ARHGAP15: variants seen among roughly 807,000 people sequenced by gnomAD.
ARHGAP15 encodes the protein rho GTPase-activating protein 15.
Under a neutral mutation model 63.7 loss-of-function variants are expected in ARHGAP15, and 51 were observed. The ratio of observed to expected loss-of-function variants is 0.80; its 90% confidence interval spans 0.64 to 1.01. ARHGAP15 has a LOEUF of 1.01. ARHGAP15 is among the 50% of genes least tolerant of loss of function. The pLI is 0.00. For missense variants in ARHGAP15, 560 were observed against 564.6 expected (o/e 0.99, Z 0.08); for synonymous variants, 191 against 193.8 (o/e 0.99, Z 0.12).
At chr2:143,468,975 T>C (rs1691384472) in intron 8 of ARHGAP15, among the ~76,000 whole-genome samples, 1 of 152,206 alleles carries the variant, frequency 6.6e-6, no homozygotes, top group Non-Finnish European at 1.5e-5. Flanking sequence ...AGACAATGCC[T>C]ATCCAGCCTT....
At chr2:143,402,773 C>T (rs1399171142) in intron 6 of ARHGAP15, among the ~76,000 whole-genome samples, 1 of 151,844 alleles carries the variant, frequency 6.6e-6, no homozygotes, top group African/African-American at 2.4e-5. Flanking sequence ...ACCCCAGAAA[C>T]ACTGCACAGA....
intron 12 of ARHGAP15, among the ~76,000 whole-genome samples, chr2:143,673,296 G>A (rs1334064897): frequency 6.6e-6 from 1 of 151,988 alleles, no homozygotes; most frequent in African/African-American, 2.4e-5. Context: ...ACGTTTATGG[G>A]CATAACACAA....
chr2:143,445,967 A>C (rs1158421563), intron 8 of ARHGAP15, among the ~76,000 whole-genome samples: 1 of 152,084 alleles, frequency 6.6e-6, no homozygotes, highest in South Asian at 2.1e-4. Context: ...TTAACACAAA[A>C]GTTATCAAAG....
chr2:143,520,163 A>T (rs910616653), intron 10 of ARHGAP15, among the ~76,000 whole-genome samples: 4 of 152,308 alleles, frequency 2.6e-5, no homozygotes. Context: ...CATGTAAAAG[A>T]TAGAGGTGTT....
intron 12 of ARHGAP15, among the ~76,000 whole-genome samples, chr2:143,662,083 C>G (rs1681833813): frequency 6.6e-6 from 1 of 152,260 alleles, no homozygotes; most frequent in Non-Finnish European, 1.5e-5. Flanking sequence ...TCAAGAAGGC[C>G]TGCCTGCCTC....
intron 6 of ARHGAP15, among the ~76,000 whole-genome samples, chr2:143,323,970 A>G (rs773093333): frequency 1.3e-5 from 2 of 151,120 alleles, no homozygotes; most frequent in African/African-American, 4.9e-5. Context: ...AATTTCAAAC[A>G]TTAGGATTTC....
intron 13 of ARHGAP15, among the ~76,000 whole-genome samples, chr2:143,765,006 T>G (rs1574939681): frequency 6.6e-6 from 1 of 152,094 alleles, no homozygotes; most frequent in East Asian, 1.9e-4. Context: ...TCTTATCAAT[T>G]TAGGCATTTG....
At chr2:143,200,096 AT>A (rs1268667322) in intron 2 of ARHGAP15, among the ~76,000 whole-genome samples, 1 of 152,112 alleles carries the variant, frequency 6.6e-6, no homozygotes, top group Non-Finnish European at 1.5e-5. Context: ...CAATAATTGA[AT>A]CCTGCTGGCC....
At chr2:143,437,673 T>C (rs1302593181) in intron 8 of ARHGAP15, among the ~76,000 whole-genome samples, 1 of 152,206 alleles carries the variant, frequency 6.6e-6, no homozygotes, top group African/African-American at 2.4e-5. Flanking sequence ...AAAGGGGTTA[T>C]TAAAATATGC....
Position 143,487,464 on chromosome 2 carries a change from G to A in ARHGAP15, c.795G>A (p.Leu265=), listed in dbSNP as rs768318373. The A allele has an allele frequency of 7.4e-6, 12 of 1,613,016 alleles. No homozygotes were observed. Among genetic ancestry groups the A allele is most frequent in the African/African-American group, 1.3e-5 (1 of 74,956 alleles). ...LKKFITRRPS[L]KTLQEKGLIK... is the part of the protein sequence containing the mutation. ...AGTTTATTACCCGAAGACCTTCCCT[G>A]AAAACTCTGCAAGAAAAAGGACTTA... The change falls in exon 9 of 14, where the codon CTG becomes CTA. Residue 265 remains leucine (L), a synonymous_variant. Transcript: ENST00000295095.
At chr2:143,432,755 T>G (rs1269991002) in intron 6 of ARHGAP15, among the ~76,000 whole-genome samples, 1 of 152,064 alleles carries the variant, frequency 6.6e-6, no homozygotes, top group Non-Finnish European at 1.5e-5. Flanking sequence ...TATGCATTAT[T>G]GACACTGCAC....
rs141086292 is a variant in ARHGAP15, at chr2:143,530,583, C to A, written c.925+11219C>A. ...TATAAACCTTCAGGCATTGTGCCTA[C>A]TTCCTTGTAAGTTTGTGTATAATTT... On this transcript the variant is annotated intron_variant, in intron 10 of 13. Coordinates refer to ENST00000295095, the MANE Select transcript of ARHGAP15 (RefSeq NM_018460.4). Among the ~76,000 whole-genome samples, 221 of 150,736 alleles carry A rather than the reference C, an allele frequency of 1.5e-3. 1 individual carries two copies. The highest frequency in any genetic ancestry group is 0.014 in the East Asian group (71 of 5,080).
At chr2:143,576,983 C>G (rs1696705164) in intron 11 of ARHGAP15, among the ~76,000 whole-genome samples, 2 of 152,224 alleles carry the variant, frequency 1.3e-5, no homozygotes, top group Admixed American at 6.5e-5. Flanking sequence ...CAAACTATAG[C>G]TAAAACTAAT....
At position 143,743,831 on chromosome 2, in the gene ARHGAP15, G is replaced by A. The variant is rs1686057845; in HGVS notation, c.1245-24158G>A. On this transcript the variant is annotated intron_variant, in intron 13 of 13. Transcript: ENST00000295095. ...GGAAAGTTGGAGTAAGGGGAAGAAA[G>A]AAAATAAAGTCCTTAGTAGCAAGGT... 2.0e-5 allele frequency among the ~76,000 whole-genome samples: 3 copies of A among 151,408 alleles called. No homozygotes were observed. In the South Asian group the frequency reaches 6.2e-4, roughly 32 times the overall value.
intron 2 of ARHGAP15, among the ~76,000 whole-genome samples, chr2:143,179,531 G>T (rs1437670457): frequency 6.6e-6 from 1 of 152,104 alleles, no homozygotes; most frequent in African/African-American, 2.4e-5. Context: ...ATTTCACAGA[G>T]CAAATAAAAG....
At chr2:143,243,428 C>T (rs1693937185) in intron 5 of ARHGAP15, among the ~76,000 whole-genome samples, 1 of 152,030 alleles carries the variant, frequency 6.6e-6, no homozygotes, top group Non-Finnish European at 1.5e-5. Flanking sequence ...TTAAATAATT[C>T]TATTTAAGTA....
chr2:143,661,607 C>G (rs1040775920), intron 12 of ARHGAP15, among the ~76,000 whole-genome samples: 27 of 152,198 alleles, frequency 1.8e-4, no homozygotes, highest in Non-Finnish European at 4.0e-4. Context: ...CAGTCTACAG[C>G]TCCCAGTGTG....
intron 6 of ARHGAP15, among the ~76,000 whole-genome samples, chr2:143,346,378 A>C (rs559834473): frequency 2.0e-5 from 3 of 152,152 alleles, no homozygotes; most frequent in Admixed American, 2.0e-4. Flanking sequence ...CCATCTTTGA[A>C]ACACCATGAG....
chr2:143,610,636 T>C (rs1263032128), intron 11 of ARHGAP15, among the ~76,000 whole-genome samples: 2 of 152,176 alleles, frequency 1.3e-5, no homozygotes, highest in Non-Finnish European at 2.9e-5. Flanking sequence ...GCATTGTAAT[T>C]GTTATTAATT....
Sources: allele counts gnomAD v4.1 joint callset (sites outside exome capture counted in the v4.1 genomes callset), GRCh38; gene constraint gnomAD v4.1.1; transcripts MANE v1.5; gene names NCBI Gene and HGNC (gene_info 2026-07-23, HGNC 2026-07-21).